The following CADM1 variants were observed in gnomAD, a reference collection of about 807,000 sequenced individuals.
The protein encoded by CADM1 is TSLC-1.
CADM1 carries 15 observed loss-of-function variants against 53.1 expected under a neutral mutation model. That is an observed-to-expected ratio of 0.28 (90% CI 0.19 to 0.44). The LOEUF is 0.44. Among genes scored for constraint, CADM1 ranks in the 20% least tolerant of loss-of-function variants. The pLI, the probability that CADM1 is intolerant of heterozygous loss-of-function variation, is 1.00. For missense variants in CADM1, 434 were observed against 611.3 expected, an observed-to-expected ratio of 0.71 and a Z score of 3.06; for synonymous variants, 281 against 243.0, an observed-to-expected ratio of 1.16 and a Z score of -1.45.
chr11:115,304,286 C>T (rs552246973), intron 1 of CADM1, among the ~76,000 whole-genome samples: 2 of 152,128 alleles, frequency 1.3e-5, no homozygotes, highest in South Asian at 4.2e-4. Context: ...TCAGGACTTA[C>T]TTTATATTTT....
At chr11:115,193,528 G>A (rs1039305725) in intron 9 of CADM1, among the ~76,000 whole-genome samples, 3 of 152,112 alleles carry the variant, frequency 2.0e-5, no homozygotes, top group African/African-American at 2.4e-5. Flanking sequence ...TGCTTTTGCC[G>A]TTGTGATTCT....
intron 1 of CADM1, among the ~76,000 whole-genome samples, chr11:115,455,474 G>C (rs1459214208): frequency 6.6e-6 from 1 of 151,974 alleles, no homozygotes; most frequent in Non-Finnish European, 1.5e-5. Context: ...TCTCTAAATA[G>C]TAATGTACTA....
chr11:115,460,690 C>T (rs1390652406), intron 1 of CADM1, among the ~76,000 whole-genome samples: 1 of 151,988 alleles, frequency 6.6e-6, no homozygotes, highest in African/African-American at 2.4e-5. Context: ...CTTATTCTCC[C>T]TTTTCTCAGC....
chr11:115,395,573 T>C (rs912725163), intron 1 of CADM1, among the ~76,000 whole-genome samples: 4 of 152,284 alleles, frequency 2.6e-5, no homozygotes, highest in Non-Finnish European at 5.9e-5. Flanking sequence ...CAGATTATTC[T>C]CATAAACACA....
At chr11:115,414,515 T>A (rs1947543157) in intron 1 of CADM1, among the ~76,000 whole-genome samples, 1 of 151,826 alleles carries the variant, frequency 6.6e-6, no homozygotes, top group African/African-American at 2.4e-5. Flanking sequence ...TAAAAAAAAA[T>A]AATAAATAAT....
intron 1 of CADM1, among the ~76,000 whole-genome samples, chr11:115,311,262 C>T (rs756317106): frequency 1.3e-5 from 2 of 152,010 alleles, no homozygotes; most frequent in African/African-American, 4.8e-5. Flanking sequence ...TCATGGAAGA[C>T]GTCTCAGGAA....
At chr11:115,334,016 A>C (rs755278552) in intron 1 of CADM1, among the ~76,000 whole-genome samples, 12 of 152,142 alleles carry the variant, frequency 7.9e-5, no homozygotes, top group African/African-American at 2.9e-4. Context: ...CATAGCATAA[A>C]TGTTCATTAT....
At chr11:115,268,867 C>T (rs1252718548) in intron 1 of CADM1, among the ~76,000 whole-genome samples, 4 of 152,046 alleles carry the variant, frequency 2.6e-5, no homozygotes, top group African/African-American at 4.8e-5. Context: ...GTCAAACTGC[C>T]ACCACCTCAA....
chr11:115,410,680 T>A (rs1947439425), intron 1 of CADM1, among the ~76,000 whole-genome samples: 1 of 151,900 alleles, frequency 6.6e-6, no homozygotes, highest in Non-Finnish European at 1.5e-5. Context: ...AGAAGGAAAG[T>A]AACCAAACAC....
chr11:115,170,552 G>A lies in CADM1; in HGVS notation c.*5922C>T, dbSNP rs1207603311. 6.7e-6 allele frequency: 1 copy of A among 148,614 alleles called. No individual in the cohort carries two copies. Among genetic ancestry groups the A allele is most frequent in the Non-Finnish European group, 1.5e-5 (1 of 67,328 alleles). The allele number at this position is 148,614 out of a possible 1,614,324, so 9.2% of individuals were successfully genotyped here. The stretch of plus-strand genomic sequence containing the variant: ...AAAACAGAGAAGATTCTTGCTTTCA[G>A]GTCTCAGTTCAGGGATGCTCATGTG... On this transcript the variant is annotated 3_prime_UTR_variant, in exon 12 of 12. Transcript: ENST00000331581.
At chr11:115,502,528 T>G (rs552117895) in intron 1 of CADM1, among the ~76,000 whole-genome samples, 2 of 151,900 alleles carry the variant, frequency 1.3e-5, no homozygotes, top group South Asian at 2.1e-4. Flanking sequence ...AATGAAGTTG[T>G]AACCACACCG....
At chr11:115,379,551 T>A (rs1946523255) in intron 1 of CADM1, among the ~76,000 whole-genome samples, 1 of 152,238 alleles carries the variant, frequency 6.6e-6, no homozygotes, top group South Asian at 2.1e-4. Context: ...ATTCACTGAC[T>A]GACAAAGTAC....
intron 1 of CADM1, among the ~76,000 whole-genome samples, chr11:115,320,094 C>T (rs989482950): frequency 2.0e-5 from 3 of 152,072 alleles, no homozygotes; most frequent in African/African-American, 7.2e-5. Flanking sequence ...GACAGTATCT[C>T]GCTCTGTCAC....
At chr11:115,298,104 G>A (rs1461858377) in intron 1 of CADM1, among the ~76,000 whole-genome samples, 1 of 152,186 alleles carries the variant, frequency 6.6e-6, no homozygotes, top group Non-Finnish European at 1.5e-5. Context: ...ATTCTCATGG[G>A]AATAATTGTT....
intron 1 of CADM1, among the ~76,000 whole-genome samples, chr11:115,457,349 C>G (rs1229074178): frequency 6.6e-6 from 1 of 152,160 alleles, no homozygotes; most frequent in Non-Finnish European, 1.5e-5. Flanking sequence ...CATAAAAAGA[C>G]ATTACTCAAA....
intron 1 of CADM1, among the ~76,000 whole-genome samples, chr11:115,395,735 G>A (rs1162772332): frequency 2.0e-5 from 3 of 152,068 alleles, no homozygotes; most frequent in Non-Finnish European, 4.4e-5. Context: ...TCTCTATTAA[G>A]TTCAAACATG....
chr11:115,498,404 G>A (rs1389337773), intron 1 of CADM1, among the ~76,000 whole-genome samples: 1 of 152,202 alleles, frequency 6.6e-6, no homozygotes, highest in East Asian at 1.9e-4. Flanking sequence ...GTATCTCATA[G>A]TCATCAAACT....
At chr11:115,478,452 A>G (rs1949185445) in intron 1 of CADM1, among the ~76,000 whole-genome samples, 1 of 152,186 alleles carries the variant, frequency 6.6e-6, no homozygotes, top group African/African-American at 2.4e-5. Flanking sequence ...TTAAACTCCT[A>G]TGTATCTAGA....
chr11:115,474,613 C>T (rs1490037062), intron 1 of CADM1, among the ~76,000 whole-genome samples: 3 of 149,740 alleles, frequency 2.0e-5, no homozygotes, highest in African/African-American at 7.4e-5. Flanking sequence ...AAACCAAACA[C>T]CGCATGCTCT....
Sources: allele counts gnomAD v4.1 joint callset (sites outside exome capture counted in the v4.1 genomes callset), GRCh38; gene constraint gnomAD v4.1.1; transcripts MANE v1.5; gene names NCBI Gene and HGNC (gene_info 2026-07-23, HGNC 2026-07-21).